Variants in SGCZ observed in about 807,000 individuals in gnomAD.
SGCZ encodes sarcoglycan zeta.
Under a neutral mutation model 41.3 loss-of-function variants are expected in SGCZ, and 40 were observed. The observed-to-expected ratio is 0.97, with a 90% confidence interval of 0.75 to 1.26. SGCZ has a LOEUF of 1.26. SGCZ is among the 50% of genes most tolerant of loss of function. The pLI is 0.00. For synonymous variants in SGCZ, 206 were observed against 137.5 expected, an observed-to-expected ratio of 1.50 and a Z score of -3.49; for missense variants, 552 against 369.8, an observed-to-expected ratio of 1.49 and a Z score of -4.04.
chr8:14,880,711 C>A (rs1804554725), intron 1 of SGCZ, among the ~76,000 whole-genome samples: 2 of 151,994 alleles, frequency 1.3e-5, no homozygotes, highest in Non-Finnish European at 2.9e-5. Flanking sequence ...AGACAGAAAA[C>A]CAAACACAAC....
chr8:14,133,222 C>G (rs1352951118), intron 5 of SGCZ, among the ~76,000 whole-genome samples: 1 of 152,176 alleles, frequency 6.6e-6, no homozygotes, highest in African/African-American at 2.4e-5. Context: ...ATCGCCCACC[C>G]CGTACACATG....
At chr8:14,732,367 G>A (rs972215129) in intron 1 of SGCZ, among the ~76,000 whole-genome samples, 2 of 152,116 alleles carry the variant, frequency 1.3e-5, no homozygotes, top group East Asian at 1.9e-4. Flanking sequence ...CAACTCTTTC[G>A]TTTCCACTCA....
At chr8:14,598,749 C>T (rs2117305910) in intron 1 of SGCZ, among the ~76,000 whole-genome samples, 1 of 152,098 alleles carries the variant, frequency 6.6e-6, no homozygotes, top group African/African-American at 2.4e-5. Flanking sequence ...AGGCTTATCT[C>T]AAATTTCTGG....
intron 1 of SGCZ, among the ~76,000 whole-genome samples, chr8:14,630,755 G>A (rs994065347): frequency 6.6e-6 from 1 of 151,556 alleles, no homozygotes; most frequent in Non-Finnish European, 1.5e-5. Context: ...ATCATTCTGA[G>A]CAAACTGTCA....
At chr8:14,946,534 G>A (rs979301008) in intron 1 of SGCZ, among the ~76,000 whole-genome samples, 1 of 151,970 alleles carries the variant, frequency 6.6e-6, no homozygotes, top group African/African-American at 2.4e-5. Flanking sequence ...ACCAGGCAGG[G>A]AATGAATCAT....
intron 2 of SGCZ, among the ~76,000 whole-genome samples, chr8:14,466,752 A>T (rs2116967350): frequency 6.6e-6 from 1 of 151,810 alleles, no homozygotes; most frequent in Admixed American, 6.6e-5. Context: ...ATCCTCTAAT[A>T]ACTTTTTGTT....
At chr8:14,401,822 C>G (rs899195480) in intron 2 of SGCZ, among the ~76,000 whole-genome samples, 27 of 150,878 alleles carry the variant, frequency 1.8e-4, no homozygotes, top group African/African-American at 6.4e-4. Context: ...ATGGCTGGGT[C>G]AAATGGTATT....
chr8:14,434,201 C>G (rs184502063), intron 2 of SGCZ, among the ~76,000 whole-genome samples: 3 of 152,272 alleles, frequency 2.0e-5, no homozygotes, highest in Admixed American at 2.0e-4. Flanking sequence ...GCCAATGATC[C>G]CAGCACCATT....
intron 3 of SGCZ, among the ~76,000 whole-genome samples, chr8:14,276,763 G>T (rs1002186497): frequency 7.9e-5 from 12 of 152,106 alleles, no homozygotes; most frequent in African/African-American, 2.4e-4. Flanking sequence ...GTTTAACTGG[G>T]GCAGGAAAAT....
chr8:15,203,027 T>G (rs1800943183), intron 1 of SGCZ, among the ~76,000 whole-genome samples: 1 of 151,952 alleles, frequency 6.6e-6, no homozygotes. Context: ...GGAGAATCAC[T>G]AGAACCTGGG....
intron 4 of SGCZ, among the ~76,000 whole-genome samples, chr8:14,220,567 T>A (rs945519436): frequency 1.3e-5 from 2 of 151,784 alleles, no homozygotes; most frequent in African/African-American, 4.8e-5. Flanking sequence ...GTATGTGTTA[T>A]AAGATAATAA....
In SGCZ at chr8:14,672,181, C is replaced by T. The variant is rs139847471; in HGVS notation, c.40-117255G>A. Among the ~76,000 whole-genome samples the T allele has an allele frequency of 5.3e-5, 8 of 152,198 alleles. No homozygotes were observed. In the East Asian group the frequency reaches 1.5e-3, roughly 29 times the overall value. ...ATGAATAGGTTACGTACAAACTATA[C>T]CACTCATCTGGCAGTTAACTATGAC... On this transcript the variant is annotated intron_variant, in intron 1 of 7. Transcript: ENST00000382080.
chr8:14,702,990 T>C (rs367690203), intron 1 of SGCZ, among the ~76,000 whole-genome samples: 9 of 148,934 alleles, frequency 6.0e-5, no homozygotes, highest in South Asian at 2.1e-4. Context: ...GACAGACAGA[T>C]AGATTTATTT....
intron 1 of SGCZ, among the ~76,000 whole-genome samples, chr8:14,669,819 C>G (rs1165814099): frequency 6.6e-6 from 1 of 151,954 alleles, no homozygotes; most frequent in Non-Finnish European, 1.5e-5. Context: ...GTGCAGATAT[C>G]TCATCGAGAT....
intron 2 of SGCZ, among the ~76,000 whole-genome samples, chr8:14,496,546 T>G (rs1801993925): frequency 6.6e-6 from 1 of 152,156 alleles, no homozygotes; most frequent in Admixed American, 6.6e-5. Context: ...TTAAATTTAA[T>G]TTTTTCCCTA....
intron 1 of SGCZ, among the ~76,000 whole-genome samples, chr8:14,946,896 G>A (rs983428001): frequency 2.6e-5 from 4 of 151,952 alleles, no homozygotes; most frequent in African/African-American, 4.8e-5. Context: ...GGCTGGTTTC[G>A]AACTCCTGAC....
At chr8:14,171,711 C>A (rs1804389042) in intron 4 of SGCZ, among the ~76,000 whole-genome samples, 1 of 151,796 alleles carries the variant, frequency 6.6e-6, no homozygotes, top group Admixed American at 6.6e-5. Context: ...TTCTTGAGTA[C>A]CTCCTAATAT....
At chr8:14,848,557 T>C (rs1803213774) in intron 1 of SGCZ, among the ~76,000 whole-genome samples, 1 of 152,208 alleles carries the variant, frequency 6.6e-6, no homozygotes, top group African/African-American at 2.4e-5. Flanking sequence ...CCCACACACG[T>C]ATGGAAATTT....
chr8:14,239,687 G>A (rs1189989027), intron 3 of SGCZ, among the ~76,000 whole-genome samples: 1 of 151,552 alleles, frequency 6.6e-6, no homozygotes, highest in East Asian at 1.9e-4. Context: ...CGGATCACGA[G>A]GTCAGGAGAT....
Sources: allele counts gnomAD v4.1 joint callset (sites outside exome capture counted in the v4.1 genomes callset), GRCh38; gene constraint gnomAD v4.1.1; transcripts MANE v1.5; gene names NCBI Gene and HGNC (gene_info 2026-07-23, HGNC 2026-07-21).